Variants in ETNK1 observed in about 807,000 individuals in gnomAD.
ETNK1 encodes the protein ethanolamine kinase 1.
Under a neutral mutation model 45.1 loss-of-function variants are expected in ETNK1, and 8 were observed. That is an observed-to-expected ratio of 0.18 (90% CI 0.10 to 0.32). The LOEUF is 0.32. ETNK1 is among the 10% of genes least tolerant of loss of function. The pLI is 1.00. For synonymous variants in ETNK1, 152 were observed against 151.9 expected, an observed-to-expected ratio of 1.00 and a Z score of -0.01; for missense variants, 302 against 430.6, an observed-to-expected ratio of 0.70 and a Z score of 2.64.
intron 6 of ETNK1, chr12:22,682,279 A>G (rs1260626586): frequency 2.0e-6 from 1 of 498,886 alleles, no homozygotes; most frequent in Admixed American, 2.1e-5. Context: ...TTCTAATTTT[A>G]GGGTGAAAAC....
intron 2 of ETNK1, among the ~76,000 whole-genome samples, chr12:22,656,067 A>G (rs1446508043): frequency 6.6e-6 from 1 of 152,224 alleles, no homozygotes; most frequent in South Asian, 2.1e-4. Flanking sequence ...TTGATGTTCA[A>G]CAAATTTCAT....
At position 22,687,411 on chromosome 12, in the gene ETNK1, C is replaced by T. The variant is rs186999182; in HGVS notation, c.*2457C>T. 51 of 152,408 alleles carry T rather than the reference C, an allele frequency of 3.3e-4. No homozygotes were observed. Among genetic ancestry groups the T allele is most frequent in the African/African-American group, 1.1e-3 (47 of 41,524 alleles). The allele number at this position is 152,408 out of a possible 1,614,324, so 9.4% of individuals were successfully genotyped here. ...GGAACTTGAATGCCTTACCTAATAA[C>T]TCAACTAGTAGTAAGCTCATTTTGT... On this transcript the variant is annotated 3_prime_UTR_variant, in exon 8 of 8. Transcript: ENST00000266517.
intron 2 of ETNK1, among the ~76,000 whole-genome samples, chr12:22,655,755 A>G (rs953283428): frequency 6.6e-6 from 1 of 152,224 alleles, no homozygotes. Flanking sequence ...GTTTGGGGAC[A>G]TATGACATTA....
At chr12:22,639,513 C>T (rs1953706291) in intron 1 of ETNK1, among the ~76,000 whole-genome samples, 1 of 152,104 alleles carries the variant, frequency 6.6e-6, no homozygotes, top group Non-Finnish European at 1.5e-5. Context: ...CCCATCTCTA[C>T]TAAAAATACA....
intron 3 of ETNK1, 137 bp from the exon 4 acceptor site, chr12:22,660,926 A>G: frequency 1.5e-6 from 1 of 684,156 alleles, no homozygotes; most frequent in Non-Finnish European, 2.4e-6. Context: ...CTTTTGAAAT[A>G]GAATAATTGG....
chr12:22,665,094 G>A (rs1039096984), intron 4 of ETNK1, among the ~76,000 whole-genome samples: 1 of 152,082 alleles, frequency 6.6e-6, no homozygotes, highest in African/African-American at 2.4e-5. Flanking sequence ...ATCAAGAGAA[G>A]TCAGAAAGAG....
At chr12:22,668,628 C>T (rs1954077710) in intron 4 of ETNK1, among the ~76,000 whole-genome samples, 1 of 152,200 alleles carries the variant, frequency 6.6e-6, no homozygotes, top group East Asian at 1.9e-4. Context: ...TGCCATGTGG[C>T]GGCGCACCCC....
At chr12:22,664,039 C>G (rs1195960372) in intron 4 of ETNK1, among the ~76,000 whole-genome samples, 1 of 151,828 alleles carries the variant, frequency 6.6e-6, no homozygotes, top group Non-Finnish European at 1.5e-5. Flanking sequence ...TTAACCTAGT[C>G]TTTAGTGTTA....
chr12:22,661,792 A>G (rs1954002021), intron 4 of ETNK1, among the ~76,000 whole-genome samples: 1 of 152,142 alleles, frequency 6.6e-6, no homozygotes, highest in Non-Finnish European at 1.5e-5. Flanking sequence ...TAATTTCAAC[A>G]TTTTTTGAGG....
At position 22,629,628 on chromosome 12, in the gene ETNK1, A is replaced by G. The variant is rs1046579811; in HGVS notation, c.156+4042A>G. Among the ~76,000 whole-genome samples the G allele has an allele frequency of 7.9e-5, 12 of 152,220 alleles. No individual in the cohort carries two copies. The South Asian group carries it at 2.3e-3, about 29-fold the overall frequency. On this transcript the variant is annotated intron_variant, in intron 1 of 7. Transcript: ENST00000266517. ...GTTATGTCTCCACTAGTGTTCTGAT[A>G]TAATAATTGATTTTCTTTTCTGTTT... is the stretch of plus-strand genomic sequence containing the variant.
intron 1 of ETNK1, among the ~76,000 whole-genome samples, chr12:22,634,673 C>T (rs1953631390): frequency 1.3e-5 from 2 of 152,126 alleles, no homozygotes; most frequent in Admixed American, 1.3e-4. Context: ...TGGCCCACTA[C>T]AGCCTCGACC....
chr12:22,687,411 C>G lies in ETNK1; in HGVS notation c.*2457C>G, dbSNP rs186999182. The G allele has an allele frequency of 6.6e-6, 1 of 152,290 alleles. No individual in the cohort carries two copies. Among genetic ancestry groups the G allele is most frequent in the Non-Finnish European group, 1.5e-5 (1 of 67,808 alleles). 9.4% of individuals were successfully genotyped at this position (152,290 alleles called of 1,614,324 possible). A position where few individuals can be genotyped will look rare whatever the true frequency, so the allele number is the denominator to read the frequency against. ...GGAACTTGAATGCCTTACCTAATAA[C>G]TCAACTAGTAGTAAGCTCATTTTGT... On this transcript the variant is annotated 3_prime_UTR_variant, in exon 8 of 8. Coordinates refer to ENST00000266517, the MANE Select transcript of ETNK1 (RefSeq NM_018638.5).
At chr12:22,631,069 C>T (rs1334694367) in intron 1 of ETNK1, among the ~76,000 whole-genome samples, 2 of 151,872 alleles carry the variant, frequency 1.3e-5, no homozygotes, top group African/African-American at 4.8e-5. Flanking sequence ...AATAGGATGC[C>T]AAATCAATAT....
At chr12:22,666,916 T>G (rs1403887525) in intron 4 of ETNK1, among the ~76,000 whole-genome samples, 1 of 152,200 alleles carries the variant, frequency 6.6e-6, no homozygotes, top group Non-Finnish European at 1.5e-5. Flanking sequence ...GTCATGTTAC[T>G]CATGTTTTAA....
intron 6 of ETNK1, among the ~76,000 whole-genome samples, chr12:22,684,166 T>C (rs914235151): frequency 5.9e-5 from 9 of 152,188 alleles, no homozygotes; most frequent in African/African-American, 2.2e-4. Flanking sequence ...TTAGCAATTA[T>C]AACCATTAAA....
Position 22,625,428 on chromosome 12 carries a change from G to GC in ETNK1, c.-1dup, listed in dbSNP as rs755696439. 6.3e-7 allele frequency: 1 copy of GC among 1,580,914 alleles called. No individual in the cohort carries two copies. Among genetic ancestry groups the GC allele is most frequent in the South Asian group, 1.1e-5 (1 of 87,762 alleles). ...GGTGGTAGTCTCCGCCGTCGCCTGG[G>GC]CCATGGCCAATTACATCCACGTCCC... On this transcript the variant is annotated 5_prime_UTR_variant, in exon 1 of 8. Coordinates refer to ENST00000266517, the MANE Select transcript of ETNK1 (RefSeq NM_018638.5).
intron 2 of ETNK1, among the ~76,000 whole-genome samples, chr12:22,658,539 A>G (rs1953967304): frequency 1.3e-5 from 2 of 152,196 alleles, no homozygotes; most frequent in African/African-American, 4.8e-5. Flanking sequence ...AAGCATGATA[A>G]GGCTGACTTT....
intron 1 of ETNK1, among the ~76,000 whole-genome samples, chr12:22,640,538 A>G (rs757245262): frequency 9.2e-5 from 14 of 151,950 alleles, no homozygotes; most frequent in Non-Finnish European, 1.9e-4. Context: ...TTTTAGTCTT[A>G]ATTATTATTT....
intron 4 of ETNK1, among the ~76,000 whole-genome samples, chr12:22,664,250 A>G (rs1954033797): frequency 6.6e-6 from 1 of 152,030 alleles, no homozygotes; most frequent in Non-Finnish European, 1.5e-5. Flanking sequence ...ATATGCAAAT[A>G]ATATAATATG....
Sources: gnomAD v4.1 joint callset for allele counts (sites outside exome capture counted in the v4.1 genomes callset) on GRCh38, gnomAD v4.1.1 for gene constraint, MANE v1.5 for transcripts, NCBI Gene and HGNC (gene_info 2026-07-23, HGNC 2026-07-21) for gene names.